Variants in NAGPA observed in about 807,000 individuals in gnomAD.
NAGPA encodes the protein N-acetylglucosamine-1-phosphodiester alpha-N-acetylglucosaminidase.
In NAGPA, 56 loss-of-function variants were observed where a neutral mutation model predicts 48.5. The observed-to-expected ratio is 1.15, with a 90% CI of 0.93 to 1.44. NAGPA has a LOEUF of 1.44. Ranked by LOEUF, NAGPA falls within the 40% of genes most tolerant of loss-of-function variation. NAGPA has a pLI of 0.00. For missense variants in NAGPA, 888 were observed against 735.0 expected, an observed-to-expected ratio of 1.21 and a Z score of -2.41; for synonymous variants, 399 against 315.5, an observed-to-expected ratio of 1.26 and a Z score of -2.81.
chr16:5,027,807 C>T (rs1326100654), intron 7 of NAGPA, 39 bp downstream of exon 7: 3 of 1,550,770 alleles, frequency 1.9e-6, no homozygotes, highest in Admixed American at 3.9e-5. Context: ...TGCCGGGGGC[C>T]ACCGTCTCCC....
chr16:5,030,009 C>A (rs1956071974), intron 4 of NAGPA: 1 of 362,100 alleles, frequency 2.8e-6, no homozygotes. Context: ...CCAAAACACT[C>A]TCTTTACAGG....
In NAGPA at chr16:5,025,529, C is replaced by T. The variant is rs1157510021; in HGVS notation, c.1497G>A (p.Leu499=). 6.2e-7 allele frequency: 1 copy of T among 1,613,034 alleles called. No homozygotes were observed. Among genetic ancestry groups the T allele is most frequent in the Non-Finnish European group, 8.5e-7 (1 of 1,180,032 alleles). The change falls in exon 10 of 10, where the codon CTG becomes CTA. Residue 499 remains leucine, a synonymous_variant. Coordinates refer to ENST00000312251, the MANE Select transcript of NAGPA (RefSeq NM_016256.4). ...HPLQEMNGEP[L]AAEKEQPGGA... Reference sequence around the variant, plus strand: ...CCCCTGGCTGCTCCTTCTCTGCGGCCAGAGGCTCCCCGTTCATCTCCTGCA... The same window carrying T: ...CCCCTGGCTGCTCCTTCTCTGCGGCTAGAGGCTCCCCGTTCATCTCCTGCA...
intron 5 of NAGPA, chr16:5,028,534 C>G (rs996058884): frequency 3.4e-6 from 2 of 580,566 alleles, no homozygotes; most frequent in African/African-American, 3.7e-5. Flanking sequence ...TGTGCCCAGC[C>G]CTCTCCAGTC....
chr16:5,030,420 C>T lies in NAGPA; in HGVS notation c.756G>A (p.Val252=), dbSNP rs1231950726. ...AIGHDRKGQL[V]LFHADGQTEQ... ...CCGTTTGGCCGTCTGCATGAAAGAG[C>T]ACCAGCTGCCCTTTCCGGTCGTGGC... is the stretch of plus-strand genomic sequence containing the variant. The change falls in exon 4 of 10, where the codon GTG becomes GTA. Residue 252 remains valine (V), a synonymous_variant. Coordinates refer to ENST00000312251, the MANE Select transcript of NAGPA (RefSeq NM_016256.4). 1.3e-6 allele frequency: 2 copies of T among 1,553,204 alleles called. No individual in the cohort carries two copies. The highest frequency in any genetic ancestry group is 1.7e-6 in the Non-Finnish European group (2 of 1,147,750).
At chr16:5,029,397 C>G in intron 4 of NAGPA, 1 of 320,804 alleles carries the variant, frequency 3.1e-6, no homozygotes, top group South Asian at 2.7e-5. Flanking sequence ...GGAACCTGGG[C>G]AGCTTGAAGG....
chr16:5,028,215 G>A, intron 5 of NAGPA, 30 bp from the exon 6 acceptor site: 1 of 1,550,612 alleles, frequency 6.4e-7, no homozygotes, highest in Non-Finnish European at 8.7e-7. Context: ...GTGAGGAGAG[G>A]ACACCCCCAG....
chr16:5,026,367 G>C (rs910588281), intron 9 of NAGPA, among the ~76,000 whole-genome samples: 2 of 151,882 alleles, frequency 1.3e-5, no homozygotes, highest in Non-Finnish European at 2.9e-5. Context: ...CCAACATGGC[G>C]AAATCCTGTC....
At chr16:5,030,298 TAG>T (rs1300872890) in intron 4 of NAGPA, 85 bp downstream of exon 4, 5 of 1,232,176 alleles carry the variant, frequency 4.1e-6, no homozygotes, top group Non-Finnish European at 5.8e-6. Context: ...AGAAAGCAGG[TAG>T]AGTCAGAGGG....
intron 3 of NAGPA, 169 bp downstream of exon 3, chr16:5,031,576 T>C (rs774634126): frequency 2.5e-5 from 22 of 870,558 alleles, no homozygotes; most frequent in Non-Finnish European, 3.8e-5. Flanking sequence ...TTTTTTGTCC[T>C]ATATATTCAA....
chr16:5,026,533 CAA>C (rs570375447), intron 9 of NAGPA, among the ~76,000 whole-genome samples: 1 of 145,966 alleles, frequency 6.9e-6, no homozygotes, highest in South Asian at 2.2e-4. Context: ...GACCCCGTCT[CAA>C]AAAAAAAAGT....
At chr16:5,027,450 C>G in intron 7 of NAGPA, 71 bp from the exon 8 acceptor site, 1 of 1,497,868 alleles carries the variant, frequency 6.7e-7, no homozygotes, top group Non-Finnish European at 9.2e-7. Context: ...GAGCCTTTCT[C>G]GACAGGACAG....
chr16:5,025,979 A>G (rs1955993263), intron 9 of NAGPA, among the ~76,000 whole-genome samples: 1 of 146,564 alleles, frequency 6.8e-6, no homozygotes, highest in South Asian at 2.2e-4. Flanking sequence ...TCCAGGCTGG[A>G]GTGCAGTGGC....
chr16:5,028,512 G>C (rs1956045282), intron 5 of NAGPA: 1 of 608,326 alleles, frequency 1.6e-6, no homozygotes, highest in African/African-American at 1.8e-5. Flanking sequence ...TGGGATTCCA[G>C]GCGTGAGCCC....
chr16:5,030,962 C>A, intron 3 of NAGPA: 1 of 238,534 alleles, frequency 4.2e-6, no homozygotes, highest in Non-Finnish European at 8.4e-6. Context: ...AAGAGTCTCG[C>A]TGTGTTGCCC....
chr16:5,028,092 C>CCCGTGG lies in NAGPA; in HGVS notation c.1008_1013dup (p.His337_Gly338dup). 3 of 1,613,046 alleles carry CCCGTGG rather than the reference C, an allele frequency of 1.9e-6. No individual in the cohort carries two copies. Among genetic ancestry groups the CCCGTGG allele is most frequent in the Non-Finnish European group, 1.7e-6 (2 of 1,179,668 alleles). On this transcript the variant is annotated inframe_insertion, in exon 6 of 10. Transcript: ENST00000312251. ...ATTGGCAGTGCCCGTCCACGCAGGT[C>CCCGTGG]CCGTGGCCGTGGCAGTCAGGCGGCT...
In NAGPA at chr16:5,028,443, C is replaced by T. The variant is rs774590657; in HGVS notation, c.921-258G>A. 70 of 741,124 alleles carry T rather than the reference C, an allele frequency of 9.4e-5. 1 individual carries two copies. In the Admixed American group the frequency reaches 1.4e-3, roughly 15 times the overall value. 45.9% of individuals were successfully genotyped at this position (741,124 alleles called of 1,614,324 possible). A position where few individuals can be genotyped will look rare whatever the true frequency, so the allele number is the denominator to read the frequency against. ...TCATAAAGACAGGGTCTATGTTGCC[C>T]ACACTGGTCTTAAACTCCTGGGCCC... On this transcript the variant is annotated intron_variant, in intron 5 of 9. Coordinates refer to ENST00000312251, the MANE Select transcript of NAGPA (RefSeq NM_016256.4).
Position 5,028,932 on chromosome 16 carries a change from A to G in NAGPA, c.868T>C (p.Ser290Pro), listed in dbSNP as rs555794005. The G allele has an allele frequency of 2.5e-6, 4 of 1,613,906 alleles. No individual in the cohort carries two copies. The highest frequency in any genetic ancestry group is 1.7e-5 in the Admixed American group (1 of 60,008). ...GTCCCGTTGAGCACAAAGGTGGCAG[A>G]GCCACCCCCATCCAGGTTGATGGCG... ...VNAINLDGGG[S>P]ATFVLNGTLA... is the part of the protein sequence containing the mutation. Residue 290 changes from serine (S) to proline (P), a missense_variant, in exon 5 of 10, where the codon TCT becomes CCT. Ser to Pro is a moderately conservative substitution (Grantham distance 74, BLOSUM62 -1). Transcript: ENST00000312251.
At chr16:5,032,492 T>C (rs8059946) in intron 2 of NAGPA, among the ~76,000 whole-genome samples, 4,782 of 71,740 alleles carry the variant, frequency 0.067, 219 homozygotes, top group African/African-American at 0.18. Context: ...CACTCCCCCG[T>C]TCCCCACCCC....
At chr16:5,031,446 T>A in intron 3 of NAGPA, 1 of 397,052 alleles carries the variant, frequency 2.5e-6, no homozygotes, top group Non-Finnish European at 4.8e-6. Flanking sequence ...CATGAAGATT[T>A]TTTTCTCTTC....
Sources: gnomAD v4.1 joint callset for allele counts (sites outside exome capture counted in the v4.1 genomes callset) on GRCh38, gnomAD v4.1.1 for gene constraint, MANE v1.5 for transcripts, NCBI Gene and HGNC (gene_info 2026-07-23, HGNC 2026-07-21) for gene names.